KIF6: variants seen among roughly 807,000 people sequenced by gnomAD.
KIF6 encodes kinesin family member 6.
A neutral mutation model predicts 112.7 loss-of-function variants in KIF6; 106 were observed. That is an observed-to-expected ratio of 0.94 (90% CI 0.80 to 1.11). KIF6 has a LOEUF of 1.11. Ranked by LOEUF, KIF6 falls within the 50% of genes least tolerant of loss-of-function variation. KIF6 has a pLI of 0.00. For synonymous variants in KIF6, 339 were observed against 339.9 expected (o/e 1.00, Z 0.03); for missense variants, 929 against 964.0 (o/e 0.96, Z 0.48).
intron 7 of KIF6, among the ~76,000 whole-genome samples, chr6:39,594,184 A>G (rs1782110088): frequency 6.6e-6 from 1 of 151,862 alleles, no homozygotes; most frequent in African/African-American, 2.4e-5. Context: ...AGTGACACAT[A>G]GCAGTTTGCA....
intron 15 of KIF6, among the ~76,000 whole-genome samples, chr6:39,393,610 C>T (rs939606648): frequency 5.9e-5 from 9 of 151,692 alleles, no homozygotes; most frequent in African/African-American, 2.2e-4. Flanking sequence ...CATTAAAAAC[C>T]TCTGTGTGTA....
chr6:39,553,138 C>T (rs1436558159), intron 10 of KIF6, among the ~76,000 whole-genome samples: 1 of 152,172 alleles, frequency 6.6e-6, no homozygotes, highest in African/African-American at 2.4e-5. Context: ...ACATTATATG[C>T]TCCCCTAGCC....
chr6:39,348,060 A>G, intron 19 of KIF6, among the ~76,000 whole-genome samples: 1 of 152,210 alleles, frequency 6.6e-6, no homozygotes, highest in East Asian at 1.9e-4. Flanking sequence ...ACAGTAACCA[A>G]TTCTCAAGGC....
chr6:39,680,304 G>A (rs1017227564), intron 3 of KIF6, among the ~76,000 whole-genome samples: 5 of 152,204 alleles, frequency 3.3e-5, no homozygotes, highest in African/African-American at 9.7e-5. Context: ...CACCATGCCC[G>A]GGTGTATAAT....
intron 13 of KIF6, among the ~76,000 whole-genome samples, chr6:39,497,936 A>G (rs1039624833): frequency 6.6e-6 from 1 of 152,230 alleles, no homozygotes; most frequent in African/African-American, 2.4e-5. Context: ...TCATCTTTAA[A>G]GAAACGTTCT....
chr6:39,657,251 GA>G (rs542765212), intron 3 of KIF6, among the ~76,000 whole-genome samples: 10,357 of 135,640 alleles, frequency 0.076, 1,099 homozygotes, highest in African/African-American at 0.26. Flanking sequence ...AAAGAAAAAA[GA>G]AAAAAAAAAA....
chr6:39,540,061 T>G lies in KIF6; in HGVS notation c.1587A>C (p.Ser529=), dbSNP rs770245345. 1.3e-5 allele frequency: 21 copies of G among 1,613,926 alleles called. No homozygotes were observed. Among genetic ancestry groups the G allele is most frequent in the Middle Eastern group, 3.3e-4 (2 of 6,084 alleles). The change falls in exon 13 of 23, where the codon TCA becomes TCC. Residue 529 remains serine, a synonymous_variant. Transcript: ENST00000287152. The part of the protein sequence containing the change: ...GQRMRLSSAP[S]QAQDFSILGK... ...CCAAAATGCTGAAGTCCTGGGCCTGTGAGGGAGCTGAGGATAGTCGCATTC... is the reference window on the plus strand; with the variant it reads ...CCAAAATGCTGAAGTCCTGGGCCTGGGAGGGAGCTGAGGATAGTCGCATTC...
At position 39,378,742 on chromosome 6, in the gene KIF6, G is replaced by A. The variant is rs565205968; in HGVS notation, c.1861+6880C>T. Among the ~76,000 whole-genome samples the A allele has an allele frequency of 2.0e-5, 3 of 152,310 alleles. No individual in the cohort carries two copies. The South Asian group carries it at 6.2e-4, about 32-fold the overall frequency. On this transcript the variant is annotated intron_variant, in intron 16 of 22. Coordinates refer to ENST00000287152, the MANE Select transcript of KIF6 (RefSeq NM_145027.6). The surrounding 1 kb of genome is among the most constrained non-coding windows in gnomAD (Gnocchi z 5.0). ...AATTTTAACCACAGGCACCTGTTAA[G>A]GGTTTTGATTGTGAACTGAACAAGA... is the stretch of plus-strand genomic sequence containing the variant.
rs139841197 is a variant in KIF6 at position 39,526,197 on chromosome 6, C to T, written c.1645+13806G>A. On this transcript the variant is annotated intron_variant, in intron 13 of 22. Transcript: ENST00000287152. ...TGTCCATCCCAGCTGTCACCTTGGA[C>T]AATTTTAATATCCATAGGGAATAGG... Among the ~76,000 whole-genome samples, 694 of 152,286 alleles carry T rather than the reference C, an allele frequency of 4.6e-3. 1 individual carries two copies. The highest frequency in any genetic ancestry group is 6.0e-3 in the Non-Finnish European group (408 of 68,022).
chr6:39,532,502 G>A (rs1778134279), intron 13 of KIF6, among the ~76,000 whole-genome samples: 2 of 152,286 alleles, frequency 1.3e-5, no homozygotes, highest in East Asian at 3.9e-4. Context: ...ATCACAGGGA[G>A]GAATTATTGA....
intron 13 of KIF6, among the ~76,000 whole-genome samples, chr6:39,527,235 A>C (rs1777787838): frequency 6.6e-6 from 1 of 152,180 alleles, no homozygotes; most frequent in Admixed American, 6.5e-5. Flanking sequence ...TTAGCATCTA[A>C]GTGCCAGAAG....
In KIF6 at chr6:39,676,956, C is replaced by T. The variant is rs148331833; in HGVS notation, c.252-37199G>A. The stretch of plus-strand genomic sequence containing the variant: ...GAATAAAAGTAAAAATCATCCATGT[C>T]ATTTATAAAGAGACTCAACTAAAGC... On this transcript the variant is annotated intron_variant, in intron 3 of 22. Coordinates refer to ENST00000287152, the MANE Select transcript of KIF6 (RefSeq NM_145027.6). Among the ~76,000 whole-genome samples the T allele has an allele frequency of 2.1e-3, 313 of 152,026 alleles. 1 individual carries two copies. Among genetic ancestry groups the T allele is most frequent in the African/African-American group, 7.2e-3 (297 of 41,494 alleles).
At position 39,360,349 on chromosome 6, in the gene KIF6, C is replaced by T. The variant is rs753814552; in HGVS notation, c.2082+46G>A. On this transcript the variant is annotated intron_variant, in intron 18 of 22. Coordinates refer to ENST00000287152, the MANE Select transcript of KIF6 (RefSeq NM_145027.6). ...TCTCTTGACAGCCCCAGTGGGGCTG[C>T]ATGACTGGCCCCTCCCCAGCTTCCC... 1.1e-5 allele frequency: 17 copies of T among 1,607,948 alleles called. No individual in the cohort carries two copies. The African/African-American group carries it at 2.1e-4, about 20-fold the overall frequency.
At chr6:39,437,249 A>G (rs1417513552) in intron 13 of KIF6, among the ~76,000 whole-genome samples, 1 of 152,344 alleles carries the variant, frequency 6.6e-6, no homozygotes, top group Non-Finnish European at 1.5e-5. Context: ...TTCATTTATC[A>G]AATCTAGCAA....
chr6:39,502,001 C>T (rs886959623), intron 13 of KIF6, among the ~76,000 whole-genome samples: 1 of 152,042 alleles, frequency 6.6e-6, no homozygotes, highest in African/African-American at 2.4e-5. Context: ...TAAGATACTC[C>T]ATGAGAAGAT....
intron 2 of KIF6, among the ~76,000 whole-genome samples, chr6:39,716,098 T>C (rs906245921): frequency 1.3e-5 from 2 of 152,176 alleles, no homozygotes; most frequent in African/African-American, 4.8e-5. Context: ...TTATATCTAC[T>C]ACCATGTAAA....
intron 13 of KIF6, among the ~76,000 whole-genome samples, chr6:39,466,889 C>T (rs1440940398): frequency 1.3e-5 from 2 of 152,216 alleles, no homozygotes; most frequent in Non-Finnish European, 2.9e-5. Context: ...AAAGTGATGG[C>T]TCCATGCCAG....
At position 39,639,688 on chromosome 6, in the gene KIF6, G is replaced by C; in HGVS notation, c.321C>G (p.Ile107Met). 1 of 1,612,192 alleles carries C rather than the reference G, an allele frequency of 6.2e-7. No individual in the cohort carries two copies. The highest frequency in any genetic ancestry group is 8.5e-7 in the Non-Finnish European group (1 of 1,178,932). The change falls in exon 4 of 23, where the codon ATC becomes ATG. Residue 107 changes from isoleucine (I) to methionine (M), a missense_variant. Physicochemically the swap from Ile to Met is conservative, Grantham distance 10 (BLOSUM62 1). Coordinates refer to ENST00000287152, the MANE Select transcript of KIF6 (RefSeq NM_145027.6). ...CACTGTAACGCTCTGCACCCCCTGT[G>C]ATAGTGAATGTCTTCCCGCTGCCTG... ...GQTGSGKTFT[I>M]TGGAERYSDR...
rs574546840 is a variant in KIF6, at chr6:39,708,441, T to C, written c.251+6251A>G. 3.3e-5 allele frequency among the ~76,000 whole-genome samples: 5 copies of C among 152,304 alleles called. No individual in the cohort carries two copies. In the South Asian group the frequency reaches 1.0e-3, roughly 32 times the overall value. ...ACCAGTGGTGGCTCATAATGACTAA[T>C]AGCTTTCCAAAAGCCAACCTCATTG... On this transcript the variant is annotated intron_variant, in intron 3 of 22. Coordinates refer to ENST00000287152, the MANE Select transcript of KIF6 (RefSeq NM_145027.6).
Sources: allele counts gnomAD v4.1 joint callset (sites outside exome capture counted in the v4.1 genomes callset), GRCh38; gene constraint gnomAD v4.1.1; non-coding constraint Gnocchi (gnomAD v3.1); transcripts MANE v1.5; gene names NCBI Gene and HGNC (gene_info 2026-07-23, HGNC 2026-07-21).